RETREG1: variants seen among roughly 807,000 people sequenced by gnomAD.
RETREG1 encodes family with sequence similarity 134 member B.
A neutral mutation model predicts 54.8 loss-of-function variants in RETREG1; 44 were observed. That is an observed-to-expected ratio of 0.80 (90% CI 0.63 to 1.03). The LOEUF (loss-of-function observed/expected upper bound fraction) is 1.03. Among genes scored for constraint, RETREG1 ranks in the 50% least tolerant of loss-of-function variants. The pLI is 0.00. For synonymous variants in RETREG1, 217 were observed against 238.5 expected (o/e 0.91, Z 0.83); for missense variants, 554 against 605.1 (o/e 0.92, Z 0.89).
At chr5:16,520,513 A>G (rs1579640567) in intron 3 of RETREG1, among the ~76,000 whole-genome samples, 1 of 151,874 alleles carries the variant, frequency 6.6e-6, no homozygotes, top group East Asian at 2.0e-4. Context: ...TATTTTTAGT[A>G]GAGACAGGGT....
At chr5:16,602,575 A>T (rs1172695701) in intron 1 of RETREG1, among the ~76,000 whole-genome samples, 1 of 152,222 alleles carries the variant, frequency 6.6e-6, no homozygotes, top group Non-Finnish European at 1.5e-5. Flanking sequence ...TATGAACAAT[A>T]CTTACATAGT....
In RETREG1 at chr5:16,616,826, G is replaced by GT; in HGVS notation, c.145_146insA (p.Ala49AspfsTer92). 1 of 1,515,358 alleles carries GT rather than the reference G, an allele frequency of 6.6e-7. No homozygotes were observed. Among genetic ancestry groups the GT allele is most frequent in the Non-Finnish European group, 8.8e-7 (1 of 1,139,206 alleles). The allele number at this position is 1,515,358 out of a possible 1,614,324, so 93.9% of individuals were successfully genotyped here. A position where few individuals can be genotyped will look rare whatever the true frequency, so the allele number is the denominator to read the frequency against. On this transcript the variant is annotated frameshift_variant, in exon 1 of 9. Transcript: ENST00000306320. LOFTEE classifies it high-confidence loss of function. ...CACCTGCAACCCCGCGCCCTCCGCC[G>GT]CCCCAGCTTCCTGCGCTTCCTCCTC...
At chr5:16,603,574 G>C (rs1320277528) in intron 1 of RETREG1, among the ~76,000 whole-genome samples, 2 of 152,170 alleles carry the variant, frequency 1.3e-5, no homozygotes, top group Non-Finnish European at 2.9e-5. Context: ...AGAGCACGCA[G>C]CTTTGCAGAG....
chr5:16,586,725 A>G (rs1742635135), intron 1 of RETREG1, among the ~76,000 whole-genome samples: 1 of 152,236 alleles, frequency 6.6e-6, no homozygotes, highest in South Asian at 2.1e-4. Context: ...CTCTTCCTTC[A>G]CACATAAACA....
Position 16,552,120 on chromosome 5 carries a change from T to C in RETREG1, c.458+13643A>G, listed in dbSNP as rs376403643. Reference sequence around the variant, plus strand: ...GGTTCTGAGTTACGGTATGGACTTCTTTGGTGTGGATGGGACTATTCAGCC... The same window carrying C: ...GGTTCTGAGTTACGGTATGGACTTCCTTGGTGTGGATGGGACTATTCAGCC... On this transcript the variant is annotated intron_variant, in intron 3 of 8. Coordinates refer to ENST00000306320, the MANE Select transcript of RETREG1 (RefSeq NM_001034850.3). 2.6e-4 allele frequency among the ~76,000 whole-genome samples: 39 copies of C among 152,346 alleles called. 2 individuals carry two copies. In the South Asian group the frequency reaches 7.7e-3, roughly 30 times the overall value.
intron 1 of RETREG1, among the ~76,000 whole-genome samples, chr5:16,610,832 G>T: frequency 6.6e-6 from 1 of 152,170 alleles, no homozygotes; most frequent in African/African-American, 2.4e-5. Context: ...TTCAACCATT[G>T]TGGAAGTCAG....
chr5:16,504,210 C>T (rs369138455), intron 3 of RETREG1, among the ~76,000 whole-genome samples: 2 of 152,216 alleles, frequency 1.3e-5, no homozygotes, highest in Non-Finnish European at 2.9e-5. Flanking sequence ...CAGCTCCATC[C>T]ATGTCCCTGC....
At position 16,593,593 on chromosome 5, in the gene RETREG1, G is replaced by C. The variant is rs1259006761; in HGVS notation, c.321-21491C>G. Among the ~76,000 whole-genome samples the C allele has an allele frequency of 1.3e-5, 2 of 152,036 alleles. No homozygotes were observed. Among genetic ancestry groups the C allele is most frequent in the Non-Finnish European group, 2.9e-5 (2 of 68,006 alleles). On this transcript the variant is annotated intron_variant, in intron 1 of 8. Transcript: ENST00000306320. The surrounding 1 kb of genome is among the most constrained non-coding windows in gnomAD (Gnocchi z 4.9). ...ATTGGGGGAAAAAAAAAACTATGGG[G>C]AACATTAAAATGTCTATACCATTTT...
intron 3 of RETREG1, among the ~76,000 whole-genome samples, chr5:16,539,223 C>T (rs1016559311): frequency 1.3e-5 from 2 of 152,148 alleles, no homozygotes; most frequent in Non-Finnish European, 2.9e-5. Context: ...AAGGGCCTGC[C>T]TTTATGGCCT....
intron 3 of RETREG1, among the ~76,000 whole-genome samples, chr5:16,537,519 G>A (rs867251910): frequency 3.9e-5 from 6 of 152,318 alleles, no homozygotes; most frequent in Middle Eastern, 3.4e-3. Context: ...CCAACATGGC[G>A]AAACCTTGTC....
chr5:16,512,679 T>A (rs910003553), intron 3 of RETREG1, among the ~76,000 whole-genome samples: 7 of 151,892 alleles, frequency 4.6e-5, no homozygotes, highest in Admixed American at 2.0e-4. Flanking sequence ...TTGGATGTCA[T>A]AGGAAAATAT....
chr5:16,598,037 C>G (rs1742949719), intron 1 of RETREG1, among the ~76,000 whole-genome samples: 1 of 152,072 alleles, frequency 6.6e-6, no homozygotes, highest in South Asian at 2.1e-4. Context: ...GCCCTACCTC[C>G]TGCCCTGCCT....
At chr5:16,488,499 A>G (rs1739105938) in intron 3 of RETREG1, among the ~76,000 whole-genome samples, 1 of 152,172 alleles carries the variant, frequency 6.6e-6, no homozygotes, top group African/African-American at 2.4e-5. Flanking sequence ...CAGAGAGTAG[A>G]GCACAGTACA....
chr5:16,538,857 A>T (rs1741155589), intron 3 of RETREG1, among the ~76,000 whole-genome samples: 1 of 152,188 alleles, frequency 6.6e-6, no homozygotes, highest in Non-Finnish European at 1.5e-5. Flanking sequence ...GGCGCCTGCC[A>T]CAATGCCCGG....
At chr5:16,529,648 G>A (rs1740849890) in intron 3 of RETREG1, among the ~76,000 whole-genome samples, 1 of 151,986 alleles carries the variant, frequency 6.6e-6, no homozygotes, top group South Asian at 2.1e-4. Context: ...ACACCGGGGT[G>A]ACTTTGCGTC....
intron 3 of RETREG1, among the ~76,000 whole-genome samples, chr5:16,512,055 C>A (rs1024114198): frequency 6.6e-6 from 1 of 152,178 alleles, no homozygotes; most frequent in African/African-American, 2.4e-5. Flanking sequence ...CAAGTGTCCC[C>A]CCACTGAAGG....
chr5:16,606,408 G>A (rs1366083064), intron 1 of RETREG1, among the ~76,000 whole-genome samples: 2 of 152,174 alleles, frequency 1.3e-5, no homozygotes, highest in South Asian at 2.1e-4. Flanking sequence ...AGGCTGCAAC[G>A]ACTAAACTCC....
intron 3 of RETREG1, among the ~76,000 whole-genome samples, chr5:16,512,482 A>G (rs1393982537): frequency 3.3e-5 from 5 of 152,074 alleles, no homozygotes; most frequent in Admixed American, 1.3e-4. Context: ...CTCCTTTGCA[A>G]TTTCATCATA....
chr5:16,582,079 G>T (rs2126324344), intron 1 of RETREG1, among the ~76,000 whole-genome samples: 1 of 152,272 alleles, frequency 6.6e-6, no homozygotes, highest in African/African-American at 2.4e-5. Context: ...TACATATCAT[G>T]ATAGGTAAAC....
Sources: allele counts gnomAD v4.1 joint callset (sites outside exome capture counted in the v4.1 genomes callset), GRCh38; gene constraint gnomAD v4.1.1; non-coding constraint Gnocchi (gnomAD v3.1); transcripts MANE v1.5; gene names NCBI Gene and HGNC (gene_info 2026-07-23, HGNC 2026-07-21).